KCNG3: variants seen among roughly 807,000 people sequenced by gnomAD.
KCNG3 encodes the protein potassium voltage-gated channel modifier subfamily G member 3, also known as voltage-gated potassium channel regulatory subunit KCNG3.
In KCNG3, 15 loss-of-function variants were observed where a neutral mutation model predicts 29.0. The observed-to-expected ratio is 0.52, with a 90% CI of 0.35 to 0.80. The LOEUF (loss-of-function observed/expected upper bound fraction) is 0.80, where lower values mean the gene tolerates loss of function less well. KCNG3 is among the 30% of genes least tolerant of loss of function. The pLI is 0.01. For synonymous variants in KCNG3, 322 were observed against 248.9 expected, an observed-to-expected ratio of 1.29 and a Z score of -2.76; for missense variants, 512 against 605.7, an observed-to-expected ratio of 0.85 and a Z score of 1.62.
chr2:42,472,488 G>C (rs1673313207), intron 1 of KCNG3, among the ~76,000 whole-genome samples: 1 of 151,012 alleles, frequency 6.6e-6, no homozygotes, highest in South Asian at 2.1e-4. Flanking sequence ...GAGGCACTCA[G>C]TAAACTTCGA....
chr2:42,410,712 T>A, the KCNG3 span, among the ~76,000 whole-genome samples: 2 of 152,168 alleles, frequency 1.3e-5, no homozygotes, highest in African/African-American at 2.4e-5. Context: ...AACATTTTTT[T>A]AAGCTTTTAT....
At chr2:42,433,425 A>G in the KCNG3 span, among the ~76,000 whole-genome samples, 41 of 152,196 alleles carry the variant, frequency 2.7e-4, no homozygotes, top group African/African-American at 8.2e-4. Flanking sequence ...ATCTACCATC[A>G]ATGTGGGCAG....
At position 42,444,479 on chromosome 2, in the gene KCNG3, T is replaced by G. The variant is rs564302109; in HGVS notation, c.766A>C (p.Ile256Leu). 6.2e-7 allele frequency: 1 copy of G among 1,614,168 alleles called. No homozygotes were observed. Among genetic ancestry groups the G allele is most frequent in the Non-Finnish European group, 8.5e-7 (1 of 1,180,032 alleles). ...GGCGTGATTGCCAGTAAATCAATGA[T>G]GTTCAGGGGTCTCTTGACAAACTCA... ...KCEFVKRPLN[I>L]IDLLAITPYY... is the part of the protein sequence containing the mutation. The change falls in exon 2 of 2, where the codon ATC (isoleucine) becomes CTC (leucine). Residue 256 changes from isoleucine to leucine, a missense_variant. By Grantham distance (5) the Ile-to-Leu change is conservative. Around this residue, in one of 5 missense-constraint regions of KCNG3, gnomAD observed 173 missense variants for 262.4 expected, o/e 0.66. Coordinates refer to ENST00000306078, the MANE Select transcript of KCNG3 (RefSeq NM_133329.6). This position sits in a 1 kb window ranked among gnomAD's most constrained non-coding sequence, Gnocchi z 5.8.
At chr2:42,456,346 T>A (rs1406648469) in intron 1 of KCNG3, among the ~76,000 whole-genome samples, 1 of 152,002 alleles carries the variant, frequency 6.6e-6, no homozygotes, top group African/African-American at 2.4e-5. Flanking sequence ...CTGGGCAACA[T>A]GTCAAAACCC....
intron 1 of KCNG3, among the ~76,000 whole-genome samples, chr2:42,471,055 G>A (rs893294923): frequency 1.3e-5 from 2 of 151,920 alleles, no homozygotes; most frequent in African/African-American, 4.8e-5. Flanking sequence ...GGAAAGCTGA[G>A]GGTAGAGGAT....
chr2:42,481,206 G>T (rs931034721), intron 1 of KCNG3, among the ~76,000 whole-genome samples: 2 of 152,176 alleles, frequency 1.3e-5, no homozygotes, highest in African/African-American at 2.4e-5. Context: ...AAGTGTGTGG[G>T]GGATGAGTAG....
intron 1 of KCNG3, among the ~76,000 whole-genome samples, chr2:42,464,626 C>T (rs1031396471): frequency 1.3e-5 from 2 of 152,214 alleles, no homozygotes. Context: ...TCTGCTCCAA[C>T]TAATGGAAAG....
At chr2:42,431,320 T>TG in the KCNG3 span, among the ~76,000 whole-genome samples, 1 of 151,990 alleles carries the variant, frequency 6.6e-6, no homozygotes, top group African/African-American at 2.4e-5. Context: ...CTTTTTTTTT[T>TG]CCCTGAGCAT....
intron 1 of KCNG3, among the ~76,000 whole-genome samples, chr2:42,488,506 C>T (rs943999950): frequency 1.3e-5 from 2 of 151,798 alleles, no homozygotes; most frequent in African/African-American, 4.8e-5. Context: ...TCTGGAGTAG[C>T]TGGGACAACA....
At chr2:42,413,143 G>C in the KCNG3 span, among the ~76,000 whole-genome samples, 1 of 151,992 alleles carries the variant, frequency 6.6e-6, no homozygotes, top group East Asian at 1.9e-4. Flanking sequence ...AAGACTACAG[G>C]TGTGTGCCAC....
chr2:42,492,657 G>A lies in KCNG3; in HGVS notation c.665+180C>T, dbSNP rs1415101038. On this transcript the variant is annotated intron_variant, in intron 1 of 1. Transcript: ENST00000306078. ...AAGGGCCAGACCCCGCTGGTGCCCCGGACAACGGGGTAGGAGTGGGGACCG... is the reference window on the plus strand; with the variant it reads ...AAGGGCCAGACCCCGCTGGTGCCCCAGACAACGGGGTAGGAGTGGGGACCG... Among the ~76,000 whole-genome samples the A allele has an allele frequency of 2.6e-5, 4 of 152,210 alleles. No individual in the cohort carries two copies. In the East Asian group the frequency reaches 7.7e-4, roughly 29 times the overall value.
chr2:42,393,154 C>T, the KCNG3 span, among the ~76,000 whole-genome samples: 1 of 151,428 alleles, frequency 6.6e-6, no homozygotes, highest in African/African-American at 2.4e-5. Context: ...AGAGAATTAA[C>T]TTAGTACATA....
In KCNG3 at chr2:42,493,492, C is replaced by T; in HGVS notation, c.10G>A (p.Gly4Arg). 7.1e-7 allele frequency: 1 copy of T among 1,409,444 alleles called. No individual in the cohort carries two copies. Among genetic ancestry groups the T allele is most frequent in the Non-Finnish European group, 9.2e-7 (1 of 1,089,544 alleles). The allele number at this position is 1,409,444 out of a possible 1,614,324, so 87.3% of individuals were successfully genotyped here. ...ACCACCGAGGCCGCCCCGCTGCGCC[C>T]GAAGGTCATGGCTGGCCGCCCGGGG... is the stretch of plus-strand genomic sequence containing the variant. The part of the protein sequence containing the change: MTF[G>R]RSGAASVVLN... The change falls in exon 1 of 2, where the codon GGG becomes AGG. Residue 4 changes from glycine (G) to arginine (R), a missense_variant. Gly to Arg is a moderately radical substitution (Grantham distance 125). This residue lies in a region of KCNG3 where 18 missense variants were observed against 36.1 expected (regional missense o/e 0.50). Transcript: ENST00000306078.
chr2:42,474,396 C>T (rs936931809), intron 1 of KCNG3, among the ~76,000 whole-genome samples: 13 of 148,876 alleles, frequency 8.7e-5, no homozygotes, highest in Non-Finnish European at 1.6e-4. Context: ...GGCATGGTGA[C>T]GCATGCCTAT....
At chr2:42,410,705 A>AT in the KCNG3 span, among the ~76,000 whole-genome samples, 1 of 152,086 alleles carries the variant, frequency 6.6e-6, no homozygotes, top group South Asian at 2.1e-4. Flanking sequence ...TTTAAAAAAC[A>AT]TTTTTTTAAG....
the KCNG3 span, among the ~76,000 whole-genome samples, chr2:42,434,283 C>T: frequency 1.3e-5 from 2 of 151,832 alleles, no homozygotes; most frequent in Admixed American, 6.6e-5. Flanking sequence ...GAGACCCTAT[C>T]TCTACAAAGA....
chr2:42,390,572 A>T, the KCNG3 span, among the ~76,000 whole-genome samples: 1 of 152,196 alleles, frequency 6.6e-6, no homozygotes, highest in East Asian at 1.9e-4. Flanking sequence ...ATCAGGAGGA[A>T]GACAAAAATT....
At position 42,442,108 on chromosome 2, in the gene KCNG3, A is replaced by T. The variant is rs1437917901; in HGVS notation, c.*1826T>A. ...CACAAAGCTTTAATCCAAATAGTTA[A>T]GAAAAAATAAATCCATGCCATTTAT... On this transcript the variant is annotated 3_prime_UTR_variant, in exon 2 of 2. Coordinates refer to ENST00000306078, the MANE Select transcript of KCNG3 (RefSeq NM_133329.6). 3 of 152,198 alleles carry T rather than the reference A, an allele frequency of 2.0e-5. No individual in the cohort carries two copies. Among genetic ancestry groups the T allele is most frequent in the Admixed American group, 2.0e-4 (3 of 15,268 alleles). 9.4% of individuals were successfully genotyped at this position (152,198 alleles called of 1,614,324 possible). A position where few individuals can be genotyped will look rare whatever the true frequency, so the allele number is the denominator to read the frequency against.
At chr2:42,485,467 C>T (rs1486869136) in intron 1 of KCNG3, among the ~76,000 whole-genome samples, 1 of 150,150 alleles carries the variant, frequency 6.7e-6, no homozygotes, top group Non-Finnish European at 1.5e-5. Flanking sequence ...TTTTTTAAGA[C>T]GGAGTCTCAC....
Sources: allele counts gnomAD v4.1 joint callset (sites outside exome capture counted in the v4.1 genomes callset), GRCh38; gene constraint gnomAD v4.1.1; regional missense constraint gnomAD v4.1.1; non-coding constraint Gnocchi (gnomAD v3.1); transcripts MANE v1.5; gene names NCBI Gene and HGNC (gene_info 2026-07-23, HGNC 2026-07-21).